GNA14: variants seen among roughly 807,000 people sequenced by gnomAD.
The protein encoded by GNA14 is G protein subunit alpha 14.
GNA14 carries 50 observed loss-of-function variants against 42.0 expected under a neutral mutation model. The observed-to-expected ratio is 1.19, with a 90% CI of 0.95 to 1.51. GNA14 has a LOEUF of 1.51. GNA14 is among the 40% of genes most tolerant of loss of function. The pLI is 0.00. For synonymous variants in GNA14, 173 were observed against 163.1 expected (o/e 1.06, Z -0.46); for missense variants, 473 against 446.2 (o/e 1.06, Z -0.54).
chr9:77,580,116 T>A (rs1460430998), intron 1 of GNA14: 1 of 190,512 alleles, frequency 5.2e-6, no homozygotes, highest in African/African-American at 2.3e-5. Context: ...CAGTCCTAGT[T>A]TGTGCCCATT....
chr9:77,548,204 T>A (rs1198536281), intron 1 of GNA14, among the ~76,000 whole-genome samples: 1 of 152,186 alleles, frequency 6.6e-6, no homozygotes, highest in Non-Finnish European at 1.5e-5. Context: ...CTCCTGGTGG[T>A]TGTGGGCAAT....
intron 2 of GNA14, among the ~76,000 whole-genome samples, chr9:77,493,026 A>AAAAATATAT (rs1554691641): frequency 3.9e-5 from 2 of 51,704 alleles, no homozygotes; most frequent in Admixed American, 3.8e-4. Context: ...AAAAAAAAAA[A>AAAAATATAT]ATATATATAT....
intron 1 of GNA14, among the ~76,000 whole-genome samples, chr9:77,579,388 T>C (rs1411029803): frequency 2.0e-5 from 3 of 152,052 alleles, no homozygotes; most frequent in African/African-American, 7.2e-5. Flanking sequence ...TCCCCAACAA[T>C]AGACAAAGAT....
At chr9:77,605,870 C>T (rs567492955) in intron 1 of GNA14, among the ~76,000 whole-genome samples, 15 of 152,288 alleles carry the variant, frequency 9.8e-5, no homozygotes, top group Admixed American at 2.0e-4. Flanking sequence ...AAATTCCTTT[C>T]GAGTTCTAAG....
intron 1 of GNA14, among the ~76,000 whole-genome samples, chr9:77,613,149 T>C (rs1324060325): frequency 6.6e-6 from 1 of 152,148 alleles, no homozygotes; most frequent in Admixed American, 6.5e-5. Context: ...CAGGGCCCCA[T>C]CTCCATGACG....
At position 77,580,792 on chromosome 9, in the gene GNA14, T is replaced by G. The variant is rs185990975; in HGVS notation, c.125-51539A>C. Reference sequence around the variant, plus strand: ...CAAGGTGTTGTGCATGATGTTTGGATGCTAGACTAGTTGCACCTGATGAGA... The same window carrying G: ...CAAGGTGTTGTGCATGATGTTTGGAGGCTAGACTAGTTGCACCTGATGAGA... On this transcript the variant is annotated intron_variant, in intron 1 of 6. Transcript: ENST00000341700. Among the ~76,000 whole-genome samples, 468 of 152,308 alleles carry G rather than the reference T, an allele frequency of 3.1e-3. 3 individuals are homozygous for G. Among genetic ancestry groups the G allele is most frequent in the Non-Finnish European group, 2.7e-3 (186 of 68,022 alleles).
At chr9:77,442,120 C>G (rs576800709) in intron 2 of GNA14, among the ~76,000 whole-genome samples, 2 of 152,194 alleles carry the variant, frequency 1.3e-5, no homozygotes, top group African/African-American at 2.4e-5. Context: ...GCCTATAATC[C>G]CAGAAGTCTG....
Position 77,424,134 on chromosome 9 carries a change from T to C in GNA14, c.913A>G (p.Ile305Val). 2 of 1,612,806 alleles carry C rather than the reference T, an allele frequency of 1.2e-6. No individual in the cohort carries two copies. Among genetic ancestry groups the C allele is most frequent in the Admixed American group, 3.3e-5 (2 of 59,878 alleles). The change falls in exon 7 of 7, where the codon ATC (isoleucine) becomes GTC (valine). Residue 305 changes from isoleucine (I) to valine (V), a missense_variant. Ile to Val is a conservative substitution (Grantham distance 29, BLOSUM62 3). Transcript: ENST00000341700. ...TTCTGATCTTGGTAAAGCTTCAGGA[T>C]AAAGTCTCTGGCAGCTCTGACATCC... is the stretch of plus-strand genomic sequence containing the variant. Reference protein sequence around the residue: ...KQDVRAARDFILKLYQDQNPD... With the variant: ...KQDVRAARDFVLKLYQDQNPD...
chr9:77,645,890 A>G (rs1266175328), intron 1 of GNA14, among the ~76,000 whole-genome samples: 1 of 152,168 alleles, frequency 6.6e-6, no homozygotes, highest in African/African-American at 2.4e-5. Context: ...ATAAAGAAAA[A>G]AGTTACATAC....
intron 1 of GNA14, among the ~76,000 whole-genome samples, chr9:77,562,685 A>G (rs1055656896): frequency 1.3e-5 from 2 of 152,242 alleles, no homozygotes; most frequent in African/African-American, 4.8e-5. Flanking sequence ...TACTTGTTTC[A>G]TACTTGATTT....
At chr9:77,505,993 C>T (rs79908736) in intron 2 of GNA14, among the ~76,000 whole-genome samples, 2,668 of 152,016 alleles carry the variant, frequency 0.018, 66 homozygotes, top group African/African-American at 0.062. Flanking sequence ...GGTATGGTGG[C>T]TCATGCCTGT....
intron 2 of GNA14, among the ~76,000 whole-genome samples, chr9:77,436,891 A>G (rs1835646304): frequency 6.6e-6 from 1 of 152,242 alleles, no homozygotes; most frequent in Non-Finnish European, 1.5e-5. Context: ...TTATGACAAA[A>G]TAAGAGTGAA....
chr9:77,646,295 G>A (rs1246223964), intron 1 of GNA14, among the ~76,000 whole-genome samples: 2 of 152,174 alleles, frequency 1.3e-5, no homozygotes, highest in African/African-American at 4.8e-5. Flanking sequence ...CTTTTCTAGG[G>A]CTCAGGCCTT....
chr9:77,470,636 C>T (rs1836314475), intron 2 of GNA14, among the ~76,000 whole-genome samples: 1 of 152,106 alleles, frequency 6.6e-6, no homozygotes, highest in Non-Finnish European at 1.5e-5. Context: ...TTGGAGAGAT[C>T]AGGAAAGGTT....
At position 77,626,314 on chromosome 9, in the gene GNA14, C is replaced by G. The variant is rs544966576; in HGVS notation, c.124+21356G>C. 3.9e-5 allele frequency among the ~76,000 whole-genome samples: 6 copies of G among 152,082 alleles called. No homozygotes were observed. In the East Asian group the frequency reaches 1.2e-3, roughly 29 times the overall value. ...GTGGGAGACTTTAACACCCCATTGT[C>G]AATATTAGATCAATGAGACAGAAAA... is the stretch of plus-strand genomic sequence containing the variant. On this transcript the variant is annotated intron_variant, in intron 1 of 6. Transcript: ENST00000341700.
chr9:77,623,357 A>G lies in GNA14; in HGVS notation c.124+24313T>C, dbSNP rs7857448. Among the ~76,000 whole-genome samples the G allele has an allele frequency of 8.1e-3, 1,235 of 152,046 alleles. 14 individuals are homozygous for G. Among genetic ancestry groups the G allele is most frequent in the African/African-American group, 0.028 (1,171 of 41,500 alleles). ...ATGTGTGAACTTGAAGAATCATCCT[A>G]AATCTTGGGCTGAGATTGTAAATCT... On this transcript the variant is annotated intron_variant, in intron 1 of 6. Transcript: ENST00000341700.
rs192540557 is a variant in GNA14 at position 77,552,143 on chromosome 9, A to G, written c.125-22890T>C. The stretch of plus-strand genomic sequence containing the variant: ...CTCCATCTCAAAAAAAAAAAAAAAA[A>G]AAAGAAAAAGAAAGAAAGAAATTCA... On this transcript the variant is annotated intron_variant, in intron 1 of 6. Transcript: ENST00000341700. Among the ~76,000 whole-genome samples, 841 of 150,506 alleles carry G rather than the reference A, an allele frequency of 5.6e-3. 9 individuals carry two copies. Among genetic ancestry groups the G allele is most frequent in the African/African-American group, 0.019 (775 of 40,568 alleles).
At chr9:77,608,687 T>C (rs888078482) in intron 1 of GNA14, among the ~76,000 whole-genome samples, 7 of 150,484 alleles carry the variant, frequency 4.7e-5, no homozygotes, top group African/African-American at 1.7e-4. Context: ...CACAGCCAAA[T>C]GGCCCCATCA....
chr9:77,500,957 ACT>A (rs1470453677), intron 2 of GNA14, among the ~76,000 whole-genome samples: 88 of 149,512 alleles, frequency 5.9e-4, no homozygotes, highest in African/African-American at 1.9e-3. Flanking sequence ...TGGTAGTTGA[ACT>A]CTTTTTTTTT....
Sources: gnomAD v4.1 joint callset for allele counts (sites outside exome capture counted in the v4.1 genomes callset) on GRCh38, gnomAD v4.1.1 for gene constraint, MANE v1.5 for transcripts, NCBI Gene and HGNC (gene_info 2026-07-23, HGNC 2026-07-21) for gene names.